The following OR14J1 variants were observed in gnomAD, a reference collection of about 807,000 sequenced individuals.
The protein encoded by OR14J1 is olfactory receptor 14J1.
For synonymous variants in OR14J1, 140 were observed against 146.7 expected (o/e 0.95, Z 0.33); for missense variants, 378 against 393.4 (o/e 0.96, Z 0.33).
rs1472863324 is a variant in OR14J1 at position 29,311,585 on chromosome 6, T to C, written c.*3930T>C. ...CCTGAAATTTTCTTTTTTTGTTGTG[T>C]CTCTGCCAGGTTTTGGTATCAGGTT... On this transcript the variant is annotated 3_prime_UTR_variant, in exon 2 of 2. Transcript: ENST00000641895. The C allele has an allele frequency of 6.6e-6, 1 of 152,212 alleles. No individual in the cohort carries two copies. Among genetic ancestry groups the C allele is most frequent in the Non-Finnish European group, 1.5e-5 (1 of 68,046 alleles). The allele number at this position is 152,212 out of a possible 1,614,324, so 9.4% of individuals were successfully genotyped here. A position where few individuals can be genotyped will look rare whatever the true frequency, so the allele number is the denominator to read the frequency against.
At position 29,301,740 on chromosome 6, in the gene OR14J1, C is replaced by T. The variant is rs1037884766; in HGVS notation, c.-76C>T. On this transcript the variant is annotated 5_prime_UTR_variant, in exon 1 of 2. Transcript: ENST00000641895. The stretch of plus-strand genomic sequence containing the variant: ...AGCTTGATTCTAGAACAAAGATGCT[C>T]AGTCTCAGGATCAATTGAGATTTGT... The T allele has an allele frequency of 6.6e-6, 1 of 152,188 alleles. No homozygotes were observed. The highest frequency in any genetic ancestry group is 2.4e-5 in the African/African-American group (1 of 41,442). 9.4% of individuals were successfully genotyped at this position (152,188 alleles called of 1,614,324 possible). A position where few individuals can be genotyped will look rare whatever the true frequency, so the allele number is the denominator to read the frequency against.
At chr6:29,305,707 T>C (rs954214945) in intron 1 of OR14J1, among the ~76,000 whole-genome samples, 4 of 151,980 alleles carry the variant, frequency 2.6e-5, no homozygotes, top group Non-Finnish European at 5.9e-5. Flanking sequence ...TTAATCCTCC[T>C]AACAATTGTT....
rs905144845 is a variant in OR14J1 at position 29,309,146 on chromosome 6, A to C, written c.*1491A>C. ...ATGTTTAGTTTTATGTTCTTGTGTT[A>C]GTTTGCTGAGAATGATGGTTTCCAG... On this transcript the variant is annotated 3_prime_UTR_variant, in exon 2 of 2. Coordinates refer to ENST00000641895, the MANE Select transcript of OR14J1 (RefSeq NM_030946.2). The C allele has an allele frequency of 6.6e-6, 1 of 152,130 alleles. No homozygotes were observed. The highest frequency in any genetic ancestry group is 1.5e-5 in the Non-Finnish European group (1 of 68,060). The allele number at this position is 152,130 out of a possible 1,614,324, so 9.4% of individuals were successfully genotyped here. A position where few individuals can be genotyped will look rare whatever the true frequency, so the allele number is the denominator to read the frequency against.
In OR14J1 at chr6:29,307,207, A is replaced by G; in HGVS notation, c.518A>G (p.His173Arg). 6.2e-7 allele frequency: 1 copy of G among 1,613,022 alleles called. No homozygotes were observed. The highest frequency in any genetic ancestry group is 8.5e-7 in the Non-Finnish European group (1 of 1,180,014). Residue 173 changes from histidine to arginine, a missense_variant, in exon 2 of 2, where the codon CAC (histidine) becomes CGC (arginine). Physicochemically the swap from His to Arg is conservative, Grantham distance 29. Coordinates refer to ENST00000641895, the MANE Select transcript of OR14J1 (RefSeq NM_030946.2). ...CCTCTCTGTGGGAAGAGAGTCATTC[A>G]CCAATTCTTCTGTGATGTTCCTCAG... ...SIPLCGKRVI[H>R]QFFCDVPQML... is the part of the protein sequence containing the mutation.
rs1775230024 is a variant in OR14J1, at chr6:29,307,898, G to C, written c.*243G>C. 1 of 416,930 alleles carries C rather than the reference G, an allele frequency of 2.4e-6. No homozygotes were observed. Among genetic ancestry groups the C allele is most frequent in the African/African-American group, 2.0e-5 (1 of 49,200 alleles). 25.8% of individuals were successfully genotyped at this position (416,930 alleles called of 1,614,324 possible). On this transcript the variant is annotated 3_prime_UTR_variant, in exon 2 of 2. Coordinates refer to ENST00000641895, the MANE Select transcript of OR14J1 (RefSeq NM_030946.2). ...AATGAAGGAGAAAGACAATTAGTTTGGAGTCTGGCCTGTATAATTTAAAAC... is the reference window on the plus strand; with the variant it reads ...AATGAAGGAGAAAGACAATTAGTTTCGAGTCTGGCCTGTATAATTTAAAAC...
Position 29,307,820 on chromosome 6 carries a change from T to C in OR14J1, c.*165T>C. 4.0e-6 allele frequency: 2 copies of C among 500,336 alleles called. No homozygotes were observed. Among genetic ancestry groups the C allele is most frequent in the Non-Finnish European group, 6.9e-6 (2 of 290,630 alleles). The allele number at this position is 500,336 out of a possible 1,614,324, so 31.0% of individuals were successfully genotyped here. A position where few individuals can be genotyped will look rare whatever the true frequency, so the allele number is the denominator to read the frequency against. ...GTGCTCTAATAATATTAGCTTTCCT[T>C]CCTCCCTCCAATTCAAGTGTTATTT... is the stretch of plus-strand genomic sequence containing the variant. On this transcript the variant is annotated 3_prime_UTR_variant, in exon 2 of 2. Transcript: ENST00000641895.
chr6:29,305,855 T>C (rs1266659576), intron 1 of OR14J1, among the ~76,000 whole-genome samples: 1 of 152,076 alleles, frequency 6.6e-6, no homozygotes, highest in African/African-American at 2.4e-5. Context: ...GACACAGCAC[T>C]AGAAAGATAT....
rs1460367621 is a variant in OR14J1 at position 29,311,159 on chromosome 6, T to C, written c.*3504T>C. The stretch of plus-strand genomic sequence containing the variant: ...CTTCCAACATTATGTTGAATAAGAG[T>C]GGTGAGAGAGGGCATCCTTGTCTTG... On this transcript the variant is annotated 3_prime_UTR_variant, in exon 2 of 2. Coordinates refer to ENST00000641895, the MANE Select transcript of OR14J1 (RefSeq NM_030946.2). 6.6e-6 allele frequency: 1 copy of C among 152,034 alleles called. No homozygotes were observed. Among genetic ancestry groups the C allele is most frequent in the East Asian group, 1.9e-4 (1 of 5,192 alleles). The allele number at this position is 152,034 out of a possible 1,614,324, so 9.4% of individuals were successfully genotyped here.
At position 29,311,590 on chromosome 6, in the gene OR14J1, G is replaced by T. The variant is rs1775517909; in HGVS notation, c.*3935G>T. ...AATTTTCTTTTTTTGTTGTGTCTCT[G>T]CCAGGTTTTGGTATCAGGTTGATGC... On this transcript the variant is annotated 3_prime_UTR_variant, in exon 2 of 2. Transcript: ENST00000641895. 1 of 152,140 alleles carries T rather than the reference G, an allele frequency of 6.6e-6. No individual in the cohort carries two copies. 9.4% of individuals were successfully genotyped at this position (152,140 alleles called of 1,614,324 possible). A position where few individuals can be genotyped will look rare whatever the true frequency, so the allele number is the denominator to read the frequency against.
Position 29,310,526 on chromosome 6 carries a change from T to C in OR14J1, c.*2871T>C, listed in dbSNP as rs1028415443. 2 of 152,238 alleles carry C rather than the reference T, an allele frequency of 1.3e-5. No homozygotes were observed. The highest frequency in any genetic ancestry group is 2.4e-5 in the African/African-American group (1 of 41,462). The allele number at this position is 152,238 out of a possible 1,614,324, so 9.4% of individuals were successfully genotyped here. On this transcript the variant is annotated 3_prime_UTR_variant, in exon 2 of 2. Transcript: ENST00000641895. ...TTTTGGTTACTGTAGCTTTGTAGTA[T>C]ACTTTGAAGTCAGGTAGCATGATGC...
rs962454801 is a variant in OR14J1 at position 29,301,806 on chromosome 6, A to G, written c.-29+19A>G. 3 of 152,108 alleles carry G rather than the reference A, an allele frequency of 2.0e-5. No homozygotes were observed. The highest frequency in any genetic ancestry group is 1.3e-4 in the Admixed American group (2 of 15,270). 9.4% of individuals were successfully genotyped at this position (152,108 alleles called of 1,614,324 possible). A position where few individuals can be genotyped will look rare whatever the true frequency, so the allele number is the denominator to read the frequency against. On this transcript the variant is annotated intron_variant, in intron 1 of 1. Coordinates refer to ENST00000641895, the MANE Select transcript of OR14J1 (RefSeq NM_030946.2). ...CACTCTGGTGAGTAAAACTTCTTCA[A>G]ATTTTATGGAATTTATCCAACATTT...
At position 29,311,955 on chromosome 6, in the gene OR14J1, T is replaced by C. The variant is rs1276661271; in HGVS notation, c.*4300T>C. ...TCTATTTCTGTGGGATCAGCAGTGA[T>C]ATGCCATTTATCATTTTTATAGTGT... On this transcript the variant is annotated 3_prime_UTR_variant, in exon 2 of 2. Coordinates refer to ENST00000641895, the MANE Select transcript of OR14J1 (RefSeq NM_030946.2). The C allele has an allele frequency of 6.6e-6, 1 of 152,220 alleles. No individual in the cohort carries two copies. Among genetic ancestry groups the C allele is most frequent in the Non-Finnish European group, 1.5e-5 (1 of 68,044 alleles). The allele number at this position is 152,220 out of a possible 1,614,324, so 9.4% of individuals were successfully genotyped here. A position where few individuals can be genotyped will look rare whatever the true frequency, so the allele number is the denominator to read the frequency against.
In OR14J1 at chr6:29,306,978, C is replaced by T; in HGVS notation, c.289C>T (p.Leu97Phe). Residue 97 changes from leucine (L) to phenylalanine (F), a missense_variant, in exon 2 of 2, where the codon CTT becomes TTT. Leu to Phe is a conservative substitution (Grantham distance 22). Coordinates refer to ENST00000641895, the MANE Select transcript of OR14J1 (RefSeq NM_030946.2). ...TTACATTTCTCTTGTTCAGTGCATT[C>T]TTCAGGTTTTCTTCTTCATAGCTCT... ...NGYISLVQCILQVFFFIALAS... is the reference protein window; with the variant it reads ...NGYISLVQCIFQVFFFIALAS... 1.2e-6 allele frequency: 2 copies of T among 1,613,102 alleles called. No individual in the cohort carries two copies. The highest frequency in any genetic ancestry group is 1.7e-6 in the Non-Finnish European group (2 of 1,180,038).
Position 29,307,548 on chromosome 6 carries a change from A to G in OR14J1, c.859A>G (p.Ile287Val), listed in dbSNP as rs988493892. 2 of 1,612,812 alleles carry G rather than the reference A, an allele frequency of 1.2e-6. No individual in the cohort carries two copies. The highest frequency in any genetic ancestry group is 1.7e-6 in the Non-Finnish European group (2 of 1,179,968). Reference sequence around the variant, plus strand: ...GATACCTCCAACACTCAATCCAGTCATTTATAGCTTACGGAATGATTCCAT... The same window carrying G: ...GATACCTCCAACACTCAATCCAGTCGTTTATAGCTTACGGAATGATTCCAT... ...TVIPPTLNPV[I>V]YSLRNDSMKA... The change falls in exon 2 of 2, where the codon ATT becomes GTT. Residue 287 changes from isoleucine to valine, a missense_variant. Physicochemically the swap from Ile to Val is conservative, Grantham distance 29. Coordinates refer to ENST00000641895, the MANE Select transcript of OR14J1 (RefSeq NM_030946.2).
chr6:29,306,751 T>C lies in OR14J1; in HGVS notation c.62T>C (p.Leu21Pro). The C allele has an allele frequency of 6.2e-7, 1 of 1,613,054 alleles. No individual in the cohort carries two copies. The highest frequency in any genetic ancestry group is 8.5e-7 in the Non-Finnish European group (1 of 1,180,016). ...LLMGFSDERK[L>P]QILHALVFLV... is the part of the protein sequence containing the mutation. Reference sequence around the variant, plus strand: ...ATGGGGTTTTCTGATGAGCGTAAGCTTCAGATTTTACATGCATTGGTATTT... The same window carrying C: ...ATGGGGTTTTCTGATGAGCGTAAGCCTCAGATTTTACATGCATTGGTATTT... The change falls in exon 2 of 2, where the codon CTT becomes CCT. Residue 21 changes from leucine (L) to proline (P), a missense_variant. Physicochemically the swap from Leu to Pro is moderately conservative, Grantham distance 98. Coordinates refer to ENST00000641895, the MANE Select transcript of OR14J1 (RefSeq NM_030946.2).
rs1775634543 is a variant in OR14J1, at chr6:29,312,994, G to A, written c.*5339G>A. On this transcript the variant is annotated 3_prime_UTR_variant, in exon 2 of 2. Coordinates refer to ENST00000641895, the MANE Select transcript of OR14J1 (RefSeq NM_030946.2). ...TAGTTATTTGTGTGTCTTCATTTGT[G>A]AAGTTTTTGCTCAGACACTTGGCCC... 1 of 152,156 alleles carries A rather than the reference G, an allele frequency of 6.6e-6. No homozygotes were observed. The highest frequency in any genetic ancestry group is 2.1e-4 in the South Asian group (1 of 4,818). 9.4% of individuals were successfully genotyped at this position (152,156 alleles called of 1,614,324 possible). A position where few individuals can be genotyped will look rare whatever the true frequency, so the allele number is the denominator to read the frequency against.
In OR14J1 at chr6:29,311,423, G is replaced by T. The variant is rs1223749795; in HGVS notation, c.*3768G>T. On this transcript the variant is annotated 3_prime_UTR_variant, in exon 2 of 2. Transcript: ENST00000641895. The stretch of plus-strand genomic sequence containing the variant: ...TGTGATAGATTCCATTTATTGATTT[G>T]CATATTTGAATCAGCTTTGCATCCC... 1 of 152,142 alleles carries T rather than the reference G, an allele frequency of 6.6e-6. No individual in the cohort carries two copies. The highest frequency in any genetic ancestry group is 6.5e-5 in the Admixed American group (1 of 15,276). 9.4% of individuals were successfully genotyped at this position (152,142 alleles called of 1,614,324 possible).
rs148681099 is a variant in OR14J1 at position 29,306,708 on chromosome 6, A to G, written c.19A>G (p.Met7Val). 48 of 1,611,782 alleles carry G rather than the reference A, an allele frequency of 3.0e-5. No homozygotes were observed. Among genetic ancestry groups the G allele is most frequent in the Middle Eastern group, 1.6e-4 (1 of 6,078 alleles). The part of the protein sequence containing the change: MVNLTS[M>V]SGFLLMGFSD... ...AGAGACTATGGTCAATTTGACTTCA[A>G]TGAGTGGATTCCTTCTTATGGGGTT... The change falls in exon 2 of 2, where the codon ATG (methionine) becomes GTG (valine). Residue 7 changes from methionine to valine, a missense_variant. Met to Val is a conservative substitution (Grantham distance 21). Coordinates refer to ENST00000641895, the MANE Select transcript of OR14J1 (RefSeq NM_030946.2).
At chr6:29,305,419 A>G (rs897573128) in intron 1 of OR14J1, among the ~76,000 whole-genome samples, 41 of 152,208 alleles carry the variant, frequency 2.7e-4, no homozygotes, top group African/African-American at 9.2e-4. Flanking sequence ...AATTATGTAG[A>G]TATCCCGTTA....
Sources: gnomAD v4.1 joint callset for allele counts (sites outside exome capture counted in the v4.1 genomes callset) on GRCh38, gnomAD v4.1.1 for gene constraint, MANE v1.5 for transcripts, NCBI Gene and HGNC (gene_info 2026-07-23, HGNC 2026-07-21) for gene names.